PIEZO2: variants seen among roughly 807,000 people sequenced by gnomAD.
PIEZO2 encodes piezo type mechanosensitive ion channel component 2.
A neutral mutation model predicts 337.3 loss-of-function variants in PIEZO2; 172 were observed. The ratio of observed to expected loss-of-function variants is 0.51; its 90% CI spans 0.45 to 0.58. The LOEUF is 0.58. PIEZO2 is among the 20% of genes least tolerant of loss of function. PIEZO2 has a pLI of 0.00. For synonymous variants in PIEZO2, 1,251 were observed against 1,228.5 expected, an observed-to-expected ratio of 1.02 and a Z score of -0.38; for missense variants, 3,028 against 3,391.3, an observed-to-expected ratio of 0.89 and a Z score of 2.66.
chr18:10,959,105 C>T (rs1275821264), intron 3 of PIEZO2, among the ~76,000 whole-genome samples: 1 of 152,106 alleles, frequency 6.6e-6, no homozygotes, highest in Non-Finnish European at 1.5e-5. Flanking sequence ...TTCAGTCTTA[C>T]AACTGAAATG....
rs2041044540 is a variant in PIEZO2 at position 10,837,304 on chromosome 18, A to G, written c.917+18049T>C. On this transcript the variant is annotated intron_variant, in intron 7 of 55. Transcript: ENST00000674853. This position sits in a 1 kb window ranked among gnomAD's most constrained non-coding sequence, Gnocchi z 4.4. ...AGCCTTTAAGTTCTCACTGATCCTC[A>G]AGGGAAGAAAAGAAGTCCCCTGTGA... 6.6e-6 allele frequency among the ~76,000 whole-genome samples: 1 copy of G among 152,230 alleles called. No homozygotes were observed. Among genetic ancestry groups the G allele is most frequent in the South Asian group, 2.1e-4 (1 of 4,834 alleles).
At chr18:10,799,687 A>C (rs1203858962) in intron 11 of PIEZO2, among the ~76,000 whole-genome samples, 1 of 152,184 alleles carries the variant, frequency 6.6e-6, no homozygotes. Context: ...CTTAAAAAAC[A>C]CTCAGCCGGG....
At chr18:10,900,212 A>ACAC in intron 4 of PIEZO2, among the ~76,000 whole-genome samples, 2 of 130,308 alleles carry the variant, frequency 1.5e-5, no homozygotes, top group South Asian at 2.5e-4. Flanking sequence ...CACACACACA[A>ACAC]ACACCTAAAT....
chr18:11,067,530 G>A (rs2038192219), intron 1 of PIEZO2, among the ~76,000 whole-genome samples: 1 of 152,140 alleles, frequency 6.6e-6, no homozygotes, highest in Non-Finnish European at 1.5e-5. Context: ...AGAGACTGAA[G>A]GTGAAAGGAT....
rs570791953 is a variant in PIEZO2 at position 10,759,441 on chromosome 18, C to T, written c.3757+41G>A. On this transcript the variant is annotated intron_variant, in intron 26 of 55. Coordinates refer to ENST00000674853, the MANE Select transcript of PIEZO2 (RefSeq NM_001378183.1). This position sits in a 1 kb window ranked among gnomAD's most constrained non-coding sequence, Gnocchi z 5.5. Reference sequence around the variant, plus strand: ...CGTGAACAATGATTAACAGTAAACCCGGATACCAGCACTCTGTGGCCCTGC... The same window carrying T: ...CGTGAACAATGATTAACAGTAAACCTGGATACCAGCACTCTGTGGCCCTGC... 12 of 1,481,486 alleles carry T rather than the reference C, an allele frequency of 8.1e-6. No individual in the cohort carries two copies. The highest frequency in any genetic ancestry group is 3.9e-5 in the Admixed American group (2 of 50,828). The allele number at this position is 1,481,486 out of a possible 1,614,324, so 91.8% of individuals were successfully genotyped here.
In PIEZO2 at chr18:10,724,849, C is replaced by T. The variant is rs2036465061; in HGVS notation, c.5029+6558G>A. 7.5e-6 allele frequency: 12 copies of T among 1,603,150 alleles called. No individual in the cohort carries two copies. In the East Asian group the frequency reaches 1.1e-4, roughly 15 times the overall value. ...GCACCTGGGCCACGGCGGCCACATG[C>T]GTCGCAGTGAGAGCACCTACTCTGT... is the stretch of plus-strand genomic sequence containing the variant. On this transcript the variant is annotated intron_variant, in intron 36 of 55. Coordinates refer to ENST00000674853, the MANE Select transcript of PIEZO2 (RefSeq NM_001378183.1). The surrounding 1 kb of genome is among the most constrained non-coding windows in gnomAD (Gnocchi z 5.8).
chr18:11,049,496 T>C (rs576577173), intron 2 of PIEZO2, among the ~76,000 whole-genome samples: 1 of 152,298 alleles, frequency 6.6e-6, no homozygotes, highest in South Asian at 2.1e-4. Context: ...CCAACTCAAG[T>C]GAACTAACTC....
intron 3 of PIEZO2, among the ~76,000 whole-genome samples, chr18:10,968,408 G>C (rs1306863174): frequency 6.6e-6 from 1 of 152,032 alleles, no homozygotes; most frequent in African/African-American, 2.4e-5. Flanking sequence ...TGTTCTTTTT[G>C]GTTAGTCTTG....
chr18:11,036,971 T>C (rs2036943024), intron 2 of PIEZO2, among the ~76,000 whole-genome samples: 1 of 152,168 alleles, frequency 6.6e-6, no homozygotes, highest in Non-Finnish European at 1.5e-5. Flanking sequence ...TGCGTGTGTT[T>C]GCATGTGTGT....
intron 3 of PIEZO2, among the ~76,000 whole-genome samples, chr18:10,925,054 A>C (rs988430603): frequency 1.3e-5 from 2 of 152,176 alleles, no homozygotes; most frequent in Non-Finnish European, 2.9e-5. Context: ...AAAAGACCAT[A>C]ATGTTTATTT....
chr18:11,095,020 T>G lies in PIEZO2; in HGVS notation c.65-28798A>C, dbSNP rs567346228. 7.9e-5 allele frequency among the ~76,000 whole-genome samples: 12 copies of G among 152,348 alleles called. No homozygotes were observed. In the South Asian group the frequency reaches 2.3e-3, roughly 29 times the overall value. ...AAGTGTGGGGGTGGAAGGAGCCTGC[T>G]GCAGCCCTGTACACTGGCAAAGCTT... On this transcript the variant is annotated intron_variant, in intron 1 of 55. Transcript: ENST00000674853.
intron 36 of PIEZO2, among the ~76,000 whole-genome samples, chr18:10,719,309 T>C (rs1386590450): frequency 1.3e-5 from 2 of 152,150 alleles, no homozygotes; most frequent in Non-Finnish European, 2.9e-5. Context: ...ATGGCAAACA[T>C]TGTACCCAAC....
At chr18:11,130,996 A>G (rs954753594) in intron 1 of PIEZO2, among the ~76,000 whole-genome samples, 12 of 152,188 alleles carry the variant, frequency 7.9e-5, no homozygotes, top group African/African-American at 2.9e-4. Flanking sequence ...GCAGATAGGG[A>G]TGCTGTTTGG....
chr18:10,772,258 T>C (rs2038629981), intron 20 of PIEZO2, among the ~76,000 whole-genome samples: 1 of 152,108 alleles, frequency 6.6e-6, no homozygotes, highest in Non-Finnish European at 1.5e-5. Context: ...ATTTAGAGAG[T>C]GACTCAGATG....
Position 10,870,241 on chromosome 18 carries a change from T to C in PIEZO2, c.492+1012A>G, listed in dbSNP as rs938969833. ...TATCCCTCCTTTATTGTTTTTTAAA[T>C]AAGCATACAAGGAAATTGTCTGCTT... is the stretch of plus-strand genomic sequence containing the variant. On this transcript the variant is annotated intron_variant, in intron 5 of 55. Transcript: ENST00000674853. This position sits in a 1 kb window ranked among gnomAD's most constrained non-coding sequence, Gnocchi z 5.3. Among the ~76,000 whole-genome samples the C allele has an allele frequency of 6.6e-6, 1 of 152,170 alleles. No homozygotes were observed. Among genetic ancestry groups the C allele is most frequent in the African/African-American group, 2.4e-5 (1 of 41,450 alleles).
chr18:10,719,446 CATGAG>C (rs2036162868), intron 36 of PIEZO2, among the ~76,000 whole-genome samples: 1 of 152,204 alleles, frequency 6.6e-6, no homozygotes, highest in African/African-American at 2.4e-5. Context: ...TAAGTGAGAA[CATGAG>C]ATATTTGACT....
intron 3 of PIEZO2, among the ~76,000 whole-genome samples, chr18:10,932,644 C>G (rs1234911043): frequency 6.6e-6 from 1 of 152,058 alleles, no homozygotes; most frequent in Non-Finnish European, 1.5e-5. Context: ...AAGGAAAAGC[C>G]AGGCGTGGTG....
chr18:10,928,126 A>G (rs1209082632), intron 3 of PIEZO2, among the ~76,000 whole-genome samples: 1 of 152,210 alleles, frequency 6.6e-6, no homozygotes, highest in Admixed American at 6.5e-5. Flanking sequence ...ACACGCCATT[A>G]GGAAAGAAAG....
At position 11,099,136 on chromosome 18, in the gene PIEZO2, C is replaced by T. The variant is rs1427620284; in HGVS notation, c.65-32914G>A. The stretch of plus-strand genomic sequence containing the variant: ...AAGACTGCAGATTTTTCATAGTTAA[C>T]ATGAATTATTTAACCAATTCCCTGA... On this transcript the variant is annotated intron_variant, in intron 1 of 55. Transcript: ENST00000674853. The surrounding 1 kb of genome is among the most constrained non-coding windows in gnomAD (Gnocchi z 5.4). 6.6e-6 allele frequency among the ~76,000 whole-genome samples: 1 copy of T among 152,104 alleles called. No individual in the cohort carries two copies. The highest frequency in any genetic ancestry group is 1.5e-5 in the Non-Finnish European group (1 of 68,036).
Sources: allele counts gnomAD v4.1 joint callset (sites outside exome capture counted in the v4.1 genomes callset), GRCh38; gene constraint gnomAD v4.1.1; non-coding constraint Gnocchi (gnomAD v3.1); transcripts MANE v1.5; gene names NCBI Gene and HGNC (gene_info 2026-07-23, HGNC 2026-07-21).